The following HDAC9 variants were observed in gnomAD, a reference collection of about 807,000 sequenced individuals.
HDAC9 encodes the protein MEF-2 interacting transcription repressor (MITR) protein.
A neutral mutation model predicts 139.4 loss-of-function variants in HDAC9; 41 were observed. The ratio of observed to expected loss-of-function variants is 0.29; its 90% CI spans 0.23 to 0.38. The LOEUF is 0.38. HDAC9 is among the 10% of genes least tolerant of loss of function. HDAC9 has a pLI of 1.00. For synonymous variants in HDAC9, 517 were observed against 476.2 expected (o/e 1.09, Z -1.12); for missense variants, 1,147 against 1,297.0 (o/e 0.88, Z 1.78).
intron 17 of HDAC9, among the ~76,000 whole-genome samples, chr7:18,817,030 A>T (rs958922843): frequency 7.2e-6 from 1 of 139,156 alleles, no homozygotes; most frequent in Non-Finnish European, 1.5e-5. Context: ...CTAGGTGAGA[A>T]GTTTTTTGTT....
intron 23 of HDAC9, among the ~76,000 whole-genome samples, chr7:18,950,733 G>A (rs545260653): frequency 6.6e-6 from 1 of 151,892 alleles, no homozygotes; most frequent in Non-Finnish European, 1.5e-5. Flanking sequence ...TGAGGAGCAC[G>A]CAATATTTGC....
chr7:18,177,152 A>C (rs1470705720), intron 2 of HDAC9, among the ~76,000 whole-genome samples: 2 of 152,188 alleles, frequency 1.3e-5, no homozygotes, highest in Non-Finnish European at 2.9e-5. Flanking sequence ...GCCTAAGTCC[A>C]GAAAAGATTT....
intron 1 of HDAC9, among the ~76,000 whole-genome samples, chr7:18,378,558 T>C (rs1327277338): frequency 2.0e-5 from 3 of 152,052 alleles, no homozygotes; most frequent in Non-Finnish European, 4.4e-5. Context: ...AGTCAAATTT[T>C]AGTAATCTAA....
At chr7:18,900,860 C>T (rs1325408438) in intron 22 of HDAC9, among the ~76,000 whole-genome samples, 2 of 152,076 alleles carry the variant, frequency 1.3e-5, no homozygotes, top group Non-Finnish European at 2.9e-5. Flanking sequence ...CCACTGGATG[C>T]CCTTTTCTCA....
upstream of HDAC9, among the ~76,000 whole-genome samples, chr7:18,288,020 G>A (rs138656261): frequency 6.1e-3 from 922 of 152,268 alleles, 4 homozygotes; most frequent in South Asian, 7.9e-3. Context: ...TTTAGTATAC[G>A]TTGAATTTCC....
At chr7:18,189,219 C>T (rs1790147410) in intron 2 of HDAC9, among the ~76,000 whole-genome samples, 1 of 152,010 alleles carries the variant, frequency 6.6e-6, no homozygotes, top group South Asian at 2.1e-4. Flanking sequence ...TGGAAGCCAT[C>T]ATCCTCAGCA....
intron 1 of HDAC9, among the ~76,000 whole-genome samples, chr7:18,489,655 C>T (rs1345119619): frequency 6.6e-6 from 1 of 152,096 alleles, no homozygotes; most frequent in Non-Finnish European, 1.5e-5. Context: ...ACATTTATAT[C>T]TTCAGGGCTT....
intron 1 of HDAC9, among the ~76,000 whole-genome samples, chr7:18,089,804 A>G (rs1782027385): frequency 6.6e-6 from 1 of 152,214 alleles, no homozygotes; most frequent in Non-Finnish European, 1.5e-5. Flanking sequence ...ACATATGGAC[A>G]TCATAAAATC....
intron 21 of HDAC9, among the ~76,000 whole-genome samples, chr7:18,848,352 A>G (rs1797045155): frequency 2.0e-5 from 3 of 152,012 alleles, no homozygotes; most frequent in Admixed American, 6.6e-5. Context: ...CCCCCAAAAC[A>G]TGTATGTTGA....
intron 11 of HDAC9, 100 bp from the exon 12 acceptor site, chr7:18,666,113 G>C (rs542051879): frequency 1.6e-6 from 2 of 1,244,768 alleles, no homozygotes; most frequent in South Asian, 3.1e-5. Context: ...TCAATGATTA[G>C]AAATCACAGT....
intron 1 of HDAC9, among the ~76,000 whole-genome samples, chr7:18,428,404 A>G (rs1389739439): frequency 1.3e-5 from 2 of 152,214 alleles, no homozygotes; most frequent in African/African-American, 4.8e-5. Flanking sequence ...TAATTTCCAA[A>G]ATTACAATGC....
intron 1 of HDAC9, among the ~76,000 whole-genome samples, chr7:18,462,042 TATC>T (rs1170202005): frequency 6.6e-6 from 1 of 152,124 alleles, no homozygotes; most frequent in Non-Finnish European, 1.5e-5. Context: ...TATTTCTTGT[TATC>T]ATGTAATACT....
At chr7:18,092,405 T>C (rs1212677451) in intron 1 of HDAC9, among the ~76,000 whole-genome samples, 2 of 150,308 alleles carry the variant, frequency 1.3e-5, no homozygotes, top group African/African-American at 5.0e-5. Context: ...CTTTCTTTTT[T>C]TTTTTTTAAA....
At chr7:18,588,224 A>G (rs971197904) in intron 3 of HDAC9, among the ~76,000 whole-genome samples, 18 of 152,108 alleles carry the variant, frequency 1.2e-4, no homozygotes, top group African/African-American at 4.1e-4. Context: ...TTTTTGTTCT[A>G]TTACTTTTTG....
rs200824000 is a variant in HDAC9 at position 18,767,193 on chromosome 7, A to G, written c.2214+38A>G. On this transcript the variant is annotated intron_variant, in intron 16 of 25. Transcript: ENST00000686413. ...TGGTTTACTGCCTTTAAATAACATA[A>G]AATTACAAAAAAAAATCTTTTTTGA... is the stretch of plus-strand genomic sequence containing the variant. 4.2e-6 allele frequency: 5 copies of G among 1,184,014 alleles called. No individual in the cohort carries two copies. In the African/African-American group the frequency reaches 5.1e-5, roughly 12 times the overall value. The allele number at this position is 1,184,014 out of a possible 1,614,324, so 73.3% of individuals were successfully genotyped here. A position where few individuals can be genotyped will look rare whatever the true frequency, so the allele number is the denominator to read the frequency against.
intron 2 of HDAC9, among the ~76,000 whole-genome samples, chr7:18,283,498 C>G (rs1797238048): frequency 6.6e-6 from 1 of 152,072 alleles, no homozygotes; most frequent in African/African-American, 2.4e-5. Flanking sequence ...TAGTGGAATA[C>G]CAAGTTTATG....
chr7:18,246,230 A>G (rs1004523287), intron 2 of HDAC9, among the ~76,000 whole-genome samples: 2 of 150,920 alleles, frequency 1.3e-5, no homozygotes, highest in African/African-American at 4.9e-5. Context: ...GCCTCATTAG[A>G]TAAGACAGTG....
intron 1 of HDAC9, among the ~76,000 whole-genome samples, chr7:18,333,644 G>A (rs1381780185): frequency 6.6e-6 from 1 of 151,328 alleles, no homozygotes; most frequent in Non-Finnish European, 1.5e-5. Context: ...TGTTCTCATG[G>A]CAAATATATT....
At chr7:18,942,658 A>T (rs2129315666) in intron 23 of HDAC9, among the ~76,000 whole-genome samples, 1 of 152,206 alleles carries the variant, frequency 6.6e-6, no homozygotes, top group East Asian at 1.9e-4. Flanking sequence ...ATTATACTCT[A>T]ACCACAATAT....
Sources: gnomAD v4.1 joint callset for allele counts (sites outside exome capture counted in the v4.1 genomes callset) on GRCh38, gnomAD v4.1.1 for gene constraint, MANE v1.5 for transcripts, NCBI Gene and HGNC (gene_info 2026-07-23, HGNC 2026-07-21) for gene names.